ABR: variants seen among roughly 807,000 people sequenced by gnomAD.
ABR encodes active breakpoint cluster region-related protein.
Under a neutral mutation model 107.2 loss-of-function variants are expected in ABR, and 35 were observed. That is an observed-to-expected ratio of 0.33 (90% CI 0.25 to 0.43). ABR has a LOEUF of 0.43. Among genes scored for constraint, ABR ranks in the 20% least tolerant of loss-of-function variants. The pLI, the probability that ABR is intolerant of heterozygous loss-of-function variation, is 1.00. For missense variants in ABR, 815 were observed against 1,115.2 expected (o/e 0.73, Z 3.83); for synonymous variants, 498 against 462.0 (o/e 1.08, Z -1.00).
intron 16 of ABR, among the ~76,000 whole-genome samples, chr17:1,029,317 G>A (rs753156210): frequency 1.6e-4 from 25 of 151,936 alleles, no homozygotes; most frequent in Admixed American, 2.6e-4. Flanking sequence ...AGGGACCCCC[G>A]CTGGTACCCA....
intron 16 of ABR, among the ~76,000 whole-genome samples, chr17:1,043,878 G>A (rs968487568): frequency 2.0e-5 from 3 of 152,220 alleles, no homozygotes; most frequent in South Asian, 2.1e-4. Flanking sequence ...CCCAGCCTGC[G>A]GTGAGCGAGG....
chr17:1,058,436 G>C (rs1488509459), intron 11 of ABR, among the ~76,000 whole-genome samples: 1 of 152,318 alleles, frequency 6.6e-6, no homozygotes, highest in South Asian at 2.1e-4. Context: ...CACTGTGCCC[G>C]GCCCAAAGCT....
intron 2 of ABR, among the ~76,000 whole-genome samples, chr17:1,113,654 G>T (rs1056981335): frequency 6.6e-6 from 1 of 152,136 alleles, no homozygotes; most frequent in Non-Finnish European, 1.5e-5. Context: ...ACTCCCCGTT[G>T]GCTGCGTCAG....
chr17:1,125,256 G>A lies in ABR; in HGVS notation c.173C>T (p.Pro58Leu), dbSNP rs747920827. 6.2e-6 allele frequency: 10 copies of A among 1,613,162 alleles called. No individual in the cohort carries two copies. Among genetic ancestry groups the A allele is most frequent in the East Asian group, 2.2e-5 (1 of 44,822 alleles). Reference protein sequence around the residue: ...PYIDESPTMSPQLSARSQGGG... With the variant: ...PYIDESPTMSLQLSARSQGGG... Reference sequence around the variant, plus strand: ...GCCCTGGCTGCGGGCGCTGAGCTGCGGGGACATGGTGGGCGACTCATCGAT... The same window carrying A: ...GCCCTGGCTGCGGGCGCTGAGCTGCAGGGACATGGTGGGCGACTCATCGAT... Residue 58 changes from proline to leucine, a missense_variant, in exon 2 of 23, where the codon CCG (proline) becomes CTG (leucine). Around this residue, in one of 5 missense-constraint regions of ABR, gnomAD observed 129 missense variants for 124.8 expected, o/e 1.03. Transcript: ENST00000302538.
rs965508564 is a variant in ABR at position 1,115,821 on chromosome 17, G to A, written c.246+9362C>T. 3.9e-5 allele frequency among the ~76,000 whole-genome samples: 6 copies of A among 152,038 alleles called. No individual in the cohort carries two copies. The South Asian group carries it at 1.2e-3, about 31-fold the overall frequency. ...GGTGCCTGTAATCCCCGCTACTAGG[G>A]AGGCTGAGGCAGAAGAATCACTTGA... is the stretch of plus-strand genomic sequence containing the variant. On this transcript the variant is annotated intron_variant, in intron 2 of 22. Transcript: ENST00000302538.
intron 10 of ABR, among the ~76,000 whole-genome samples, chr17:1,062,816 A>T (rs2034176701): frequency 6.9e-6 from 1 of 144,064 alleles, no homozygotes; most frequent in African/African-American, 2.5e-5. Context: ...AGGGCTATGC[A>T]TGTTCCTCTA....
At chr17:1,031,858 C>T in intron 16 of ABR, 2 of 1,205,392 alleles carry the variant, frequency 1.7e-6, no homozygotes, top group Non-Finnish European at 2.1e-6. Flanking sequence ...GCCTCCCTCC[C>T]TCCCTCCCTC....
intron 4 of ABR, among the ~76,000 whole-genome samples, chr17:1,086,792 C>G: frequency 1.3e-5 from 2 of 152,230 alleles, no homozygotes; most frequent in Non-Finnish European, 2.9e-5. Flanking sequence ...TGAGCCACCA[C>G]GCCTGGCTTA....
chr17:1,169,303 T>C (rs1428843383), intron 1 of ABR, among the ~76,000 whole-genome samples: 9 of 152,222 alleles, frequency 5.9e-5, no homozygotes, highest in Non-Finnish European at 4.4e-5. Context: ...CTTCTTATCC[T>C]TAAAATCAGG....
chr17:1,141,947 A>G (rs1030951394), intron 1 of ABR, among the ~76,000 whole-genome samples: 1 of 151,912 alleles, frequency 6.6e-6, no homozygotes, highest in African/African-American at 2.4e-5. Context: ...TAGTAGAGGT[A>G]GGGTTTCACC....
chr17:1,058,074 G>A (rs1268199782), intron 11 of ABR, 29 bp from the exon 12 acceptor site: 1 of 1,577,478 alleles, frequency 6.3e-7, no homozygotes, highest in Non-Finnish European at 8.7e-7. Flanking sequence ...CATAAAGTGG[G>A]TGACCACAGT....
intron 1 of ABR, among the ~76,000 whole-genome samples, chr17:1,185,972 A>G (rs2042286488): frequency 6.6e-6 from 1 of 151,850 alleles, no homozygotes; most frequent in African/African-American, 2.4e-5. Context: ...AGTAGCTAGG[A>G]TTACAGGAGC....
At chr17:1,067,052 G>A in intron 10 of ABR, 25 bp downstream of exon 10, 2 of 1,610,120 alleles carry the variant, frequency 1.2e-6, no homozygotes, top group Non-Finnish European at 1.7e-6. Context: ...AAGGGCCCCA[G>A]GCTCAGATAC....
intron 14 of ABR, among the ~76,000 whole-genome samples, chr17:1,052,084 AC>A (rs774232925): frequency 5.3e-4 from 79 of 149,930 alleles, no homozygotes; most frequent in African/African-American, 5.6e-4. Flanking sequence ...AAAAAAAAAA[AC>A]CAAAAAAACC....
intron 2 of ABR, among the ~76,000 whole-genome samples, chr17:1,123,890 C>T (rs62069389): frequency 0.12 from 18,661 of 152,236 alleles, 1,418 homozygotes; most frequent in Non-Finnish European, 0.16. Context: ...CCCGCAGGTC[C>T]GAGACGCTTG....
Position 1,038,998 on chromosome 17 carries a change from C to T in ABR, c.1791+11052G>A, listed in dbSNP as rs573093309. Among the ~76,000 whole-genome samples, 11 of 152,258 alleles carry T rather than the reference C, an allele frequency of 7.2e-5. No individual in the cohort carries two copies. In the South Asian group the frequency reaches 2.1e-3, roughly 29 times the overall value. On this transcript the variant is annotated intron_variant, in intron 16 of 22. Coordinates refer to ENST00000302538, the MANE Select transcript of ABR (RefSeq NM_021962.5). Reference sequence around the variant, plus strand: ...GCGAGTTCGCTGAATGCCACGGACCCGAGAGGACACTCTCTGAAGGGTCAC... The same window carrying T: ...GCGAGTTCGCTGAATGCCACGGACCTGAGAGGACACTCTCTGAAGGGTCAC...
intron 1 of ABR, among the ~76,000 whole-genome samples, chr17:1,145,378 C>A (rs539994006): frequency 5.3e-5 from 8 of 152,348 alleles, no homozygotes; most frequent in African/African-American, 1.4e-4. Context: ...CCCCTCCGAA[C>A]CTCCTCAAGA....
chr17:1,017,794 G>T (rs190569516), intron 16 of ABR, among the ~76,000 whole-genome samples: 1 of 151,804 alleles, frequency 6.6e-6, no homozygotes, highest in East Asian at 1.9e-4. Context: ...GTAGAGATGG[G>T]GTTTCACCAT....
intron 1 of ABR, among the ~76,000 whole-genome samples, chr17:1,217,232 C>T (rs1446514126): frequency 2.0e-5 from 3 of 152,192 alleles, no homozygotes; most frequent in Non-Finnish European, 2.9e-5. Flanking sequence ...GTGCGGCCGC[C>T]TCACCGTCCC....
Sources: allele counts gnomAD v4.1 joint callset (sites outside exome capture counted in the v4.1 genomes callset), GRCh38; gene constraint gnomAD v4.1.1; regional missense constraint gnomAD v4.1.1; transcripts MANE v1.5; gene names NCBI Gene and HGNC (gene_info 2026-07-23, HGNC 2026-07-21).